Variants in TMC1 observed in about 807,000 individuals in gnomAD.
The protein encoded by TMC1 is transmembrane channel like 1.
A neutral mutation model predicts 105.8 loss-of-function variants in TMC1; 84 were observed. The observed-to-expected ratio is 0.79, with a 90% CI of 0.67 to 0.95. The LOEUF (loss-of-function observed/expected upper bound fraction) is 0.95, where lower values mean the gene tolerates loss of function less well. TMC1 is among the 40% of genes least tolerant of loss of function. The probability of loss-of-function intolerance (pLI) is 0.00; values close to 1 mark genes in which losing one functional copy is unlikely to be tolerated. For synonymous variants in TMC1, 315 were observed against 311.5 expected, an observed-to-expected ratio of 1.01 and a Z score of -0.12; for missense variants, 817 against 914.1, an observed-to-expected ratio of 0.89 and a Z score of 1.37.
intron 2 of TMC1, among the ~76,000 whole-genome samples, chr9:72,610,059 C>A (rs1469676117): frequency 6.6e-6 from 1 of 152,156 alleles, no homozygotes; most frequent in African/African-American, 2.4e-5. Context: ...TTTTGCATAC[C>A]TAGCACAATA....
chr9:72,529,473 A>G (rs1050915691), intron 1 of TMC1, among the ~76,000 whole-genome samples: 1 of 152,150 alleles, frequency 6.6e-6, no homozygotes, highest in Non-Finnish European at 1.5e-5. Flanking sequence ...TTCTGCTGTA[A>G]TAAACCTGCA....
At chr9:72,804,192 T>C (rs1828528463) in intron 17 of TMC1, among the ~76,000 whole-genome samples, 4 of 152,184 alleles carry the variant, frequency 2.6e-5, no homozygotes, top group African/African-American at 4.8e-5. Context: ...TGAGAAAACA[T>C]GGACACAGGG....
intron 7 of TMC1, among the ~76,000 whole-genome samples, chr9:72,700,220 C>A (rs1588038365): frequency 6.8e-6 from 1 of 147,502 alleles, no homozygotes; most frequent in East Asian, 2.0e-4. Context: ...CATTGCACTA[C>A]AGCCTGGGTG....
chr9:72,736,349 A>G (rs1463025901), intron 8 of TMC1, among the ~76,000 whole-genome samples: 1 of 152,190 alleles, frequency 6.6e-6, no homozygotes, highest in African/African-American at 2.4e-5. Flanking sequence ...TACTGATTTT[A>G]ATTTGACTGT....
At chr9:72,697,328 T>A (rs1826566418) in intron 7 of TMC1, among the ~76,000 whole-genome samples, 1 of 152,172 alleles carries the variant, frequency 6.6e-6, no homozygotes, top group Non-Finnish European at 1.5e-5. Flanking sequence ...AACATGTAAT[T>A]GCCCACAATC....
Position 72,830,676 on chromosome 9 carries a change from C to T in TMC1, c.2254C>T (p.Arg752Ter), listed in dbSNP as rs149506642. 132 of 1,612,188 alleles carry T rather than the reference C, an allele frequency of 8.2e-5. No homozygotes were observed. The highest frequency in any genetic ancestry group is 9.8e-5 in the Non-Finnish European group (116 of 1,179,410). Residue 752 changes from arginine (R) to a stop codon, truncating the protein, a stop_gained, in exon 23 of 24, where the codon CGA (arginine) becomes TGA (stop). Transcript: ENST00000297784. LOFTEE classifies it high-confidence loss of function. ...GCGAAACAAGAAAATGGCAGCTGCACGAGCAGGTTGGAGATACGTTTATGT... is the reference window on the plus strand; with the variant it reads ...GCGAAACAAGAAAATGGCAGCTGCATGAGCAGGTTGGAGATACGTTTATGT... ...KMRNKKMAAARAAAAAGRQ is the reference protein window; with the variant it reads ...KMRNKKMAAA
chr9:72,762,695 AG>A (rs2118093169), intron 12 of TMC1, among the ~76,000 whole-genome samples: 2 of 152,124 alleles, frequency 1.3e-5, no homozygotes, highest in South Asian at 4.2e-4. Context: ...ATAACTTTGG[AG>A]GGGGTGAGGA....
intron 1 of TMC1, among the ~76,000 whole-genome samples, chr9:72,567,567 T>C (rs1824185454): frequency 6.6e-6 from 1 of 152,120 alleles, no homozygotes; most frequent in African/African-American, 2.4e-5. Context: ...AGAGAATAAG[T>C]GCAAGTAGGA....
chr9:72,587,203 G>A (rs1481831092), intron 2 of TMC1, among the ~76,000 whole-genome samples: 1 of 151,618 alleles, frequency 6.6e-6, no homozygotes, highest in East Asian at 1.9e-4. Context: ...TTGTTGCCCA[G>A]GCTGGAGTGC....
chr9:72,781,743 C>T (rs1828096488), intron 13 of TMC1, among the ~76,000 whole-genome samples: 2 of 152,202 alleles, frequency 1.3e-5, no homozygotes, highest in South Asian at 4.1e-4. Flanking sequence ...AAACATATAA[C>T]CTCCCAAGAT....
intron 8 of TMC1, among the ~76,000 whole-genome samples, chr9:72,703,756 A>G (rs1246401812): frequency 6.6e-6 from 1 of 152,342 alleles, no homozygotes; most frequent in East Asian, 1.9e-4. Context: ...AGTCCCAGAA[A>G]AGAAACAACT....
chr9:72,795,313 C>G (rs899199664), intron 17 of TMC1, among the ~76,000 whole-genome samples: 1 of 152,162 alleles, frequency 6.6e-6, no homozygotes, highest in African/African-American at 2.4e-5. Flanking sequence ...CTGCAAGATT[C>G]TACACAGGAA....
chr9:72,778,413 T>C (rs1828038372), intron 13 of TMC1, among the ~76,000 whole-genome samples: 1 of 152,090 alleles, frequency 6.6e-6, no homozygotes, highest in Non-Finnish European at 1.5e-5. Context: ...GAGTGTCTCC[T>C]AAGGAAGGGA....
chr9:72,679,353 G>T (rs1183005887), intron 5 of TMC1, among the ~76,000 whole-genome samples: 2 of 151,712 alleles, frequency 1.3e-5, no homozygotes, highest in African/African-American at 4.8e-5. Context: ...AGGTCTATAG[G>T]CCCCTCTCTC....
chr9:72,762,332 A>G (rs556942841), intron 12 of TMC1, among the ~76,000 whole-genome samples: 1 of 152,178 alleles, frequency 6.6e-6, no homozygotes, highest in Non-Finnish European at 1.5e-5. Flanking sequence ...TGGTGGGTCC[A>G]AGGAGGTGGC....
chr9:72,830,817 A>T, intron 23 of TMC1, 135 bp downstream of exon 23: 5 of 759,408 alleles, frequency 6.6e-6, no homozygotes, highest in Non-Finnish European at 4.2e-6. Flanking sequence ...CACAATCCTT[A>T]CCTTCCACCT....
intron 17 of TMC1, among the ~76,000 whole-genome samples, chr9:72,802,794 C>T (rs533551860): frequency 5.9e-5 from 9 of 152,122 alleles, no homozygotes; most frequent in South Asian, 2.1e-4. Context: ...ATTGTGAAAA[C>T]GGCCATACTG....
chr9:72,831,301 A>G (rs1317003204), intron 23 of TMC1, among the ~76,000 whole-genome samples: 1 of 152,180 alleles, frequency 6.6e-6, no homozygotes, highest in East Asian at 1.9e-4. Context: ...AACTCTTTAC[A>G]TTAGTAGGAC....
chr9:72,836,333 T>G lies in TMC1; in HGVS notation c.*360T>G. 1 of 244,548 alleles carries G rather than the reference T, an allele frequency of 4.1e-6. No individual in the cohort carries two copies. The highest frequency in any genetic ancestry group is 7.9e-6 in the Non-Finnish European group (1 of 126,284). The allele number at this position is 244,548 out of a possible 1,614,324, so 15.1% of individuals were successfully genotyped here. A position where few individuals can be genotyped will look rare whatever the true frequency, so the allele number is the denominator to read the frequency against. On this transcript the variant is annotated 3_prime_UTR_variant, in exon 24 of 24. Coordinates refer to ENST00000297784, the MANE Select transcript of TMC1 (RefSeq NM_138691.3). ...AAAATTTGCTCATATGAACTTTCAT[T>G]TTATATGTTTCTTTTGCCTGAGTTT...
Sources: allele counts gnomAD v4.1 joint callset (sites outside exome capture counted in the v4.1 genomes callset), GRCh38; gene constraint gnomAD v4.1.1; transcripts MANE v1.5; gene names NCBI Gene and HGNC (gene_info 2026-07-23, HGNC 2026-07-21).